Variants in CLASP1 observed in about 807,000 individuals in gnomAD.
CLASP1 encodes cytoplasmic linker associated protein 1.
In CLASP1, 38 loss-of-function variants were observed where a neutral mutation model predicts 192.3. The ratio of observed to expected loss-of-function variants is 0.20; its 90% CI spans 0.15 to 0.26. The LOEUF (loss-of-function observed/expected upper bound fraction) is 0.26, where lower values mean the gene tolerates loss of function less well. Ranked by LOEUF, CLASP1 falls within the 10% of genes least tolerant of loss-of-function variation. The pLI is 1.00. For missense variants in CLASP1, 1,433 were observed against 1,932.5 expected (o/e 0.74, Z 4.85); for synonymous variants, 691 against 712.8 (o/e 0.97, Z 0.49).
At chr2:121,480,962 C>A (rs2092553877) in intron 8 of CLASP1, among the ~76,000 whole-genome samples, 1 of 152,234 alleles carries the variant, frequency 6.6e-6, no homozygotes, top group Non-Finnish European at 1.5e-5. Flanking sequence ...ACGTCTAATG[C>A]CTGGCATGCG....
chr2:121,437,318 T>G (rs1055289658), intron 19 of CLASP1, among the ~76,000 whole-genome samples: 2 of 152,214 alleles, frequency 1.3e-5, no homozygotes, highest in Admixed American at 6.5e-5. Flanking sequence ...CCATTTGCTC[T>G]TCTTCAAAAT....
At chr2:121,585,114 C>T (rs1243673936) in intron 2 of CLASP1, among the ~76,000 whole-genome samples, 4 of 152,194 alleles carry the variant, frequency 2.6e-5, no homozygotes, top group African/African-American at 9.7e-5. Context: ...AGAAACTTAT[C>T]CAGTACCACA....
intron 19 of CLASP1, among the ~76,000 whole-genome samples, chr2:121,446,428 A>T (rs532829877): frequency 6.6e-6 from 1 of 152,332 alleles, no homozygotes; most frequent in African/African-American, 2.4e-5. Flanking sequence ...TGTGCTTCCA[A>T]TGTTCAAAAC....
chr2:121,516,954 G>A (rs1169140195), intron 6 of CLASP1, among the ~76,000 whole-genome samples: 1 of 152,172 alleles, frequency 6.6e-6, no homozygotes, highest in Non-Finnish European at 1.5e-5. Context: ...TCACTTGGAG[G>A]CGGAGTTTGC....
At chr2:121,555,463 T>A (rs2058461007) in intron 2 of CLASP1, among the ~76,000 whole-genome samples, 1 of 152,208 alleles carries the variant, frequency 6.6e-6, no homozygotes, top group East Asian at 1.9e-4. Flanking sequence ...TAGGTTTTTA[T>A]TCATCTATCA....
intron 2 of CLASP1, among the ~76,000 whole-genome samples, chr2:121,599,066 T>C (rs1029234737): frequency 2.6e-5 from 4 of 151,904 alleles, no homozygotes; most frequent in African/African-American, 9.7e-5. Context: ...GGTTTCACCA[T>C]GTTGGCCAGG....
At chr2:121,468,470 C>T (rs1029078105) in intron 9 of CLASP1, among the ~76,000 whole-genome samples, 1 of 152,112 alleles carries the variant, frequency 6.6e-6, no homozygotes, top group African/African-American at 2.4e-5. Flanking sequence ...TTTTGTAGTG[C>T]TCCTTGAGGA....
In CLASP1 at chr2:121,398,890, C is replaced by T. The variant is rs150100525; in HGVS notation, c.2901-490G>A. The stretch of plus-strand genomic sequence containing the variant: ...CCACAGAAGAATGCCTGTGAGATGG[C>T]GACAAAACATTTCCCATCCAGCTAC... On this transcript the variant is annotated intron_variant, in intron 28 of 39. Transcript: ENST00000263710. 2.1e-3 allele frequency among the ~76,000 whole-genome samples: 324 copies of T among 152,300 alleles called. 1 individual carries two copies. Among genetic ancestry groups the T allele is most frequent in the African/African-American group, 7.3e-3 (305 of 41,566 alleles).
intron 2 of CLASP1, among the ~76,000 whole-genome samples, chr2:121,545,256 G>C (rs1559573504): frequency 6.6e-6 from 1 of 152,106 alleles, no homozygotes; most frequent in African/African-American, 2.4e-5. Context: ...CAGAGAATGA[G>C]AGCAAGTTAG....
chr2:121,638,987 G>A (rs764184974), intron 1 of CLASP1, among the ~76,000 whole-genome samples: 5 of 152,122 alleles, frequency 3.3e-5, no homozygotes, highest in East Asian at 1.9e-4. Flanking sequence ...AGTACACTGC[G>A]CAAATGGGGC....
intron 19 of CLASP1, among the ~76,000 whole-genome samples, chr2:121,433,310 AC>A (rs1005170053): frequency 6.7e-6 from 1 of 149,604 alleles, no homozygotes; most frequent in Non-Finnish European, 1.5e-5. Flanking sequence ...AAAGAGCAAA[AC>A]CCTGTCTAAA....
At chr2:121,388,162 A>C in intron 30 of CLASP1, 1 of 317,124 alleles carries the variant, frequency 3.2e-6, no homozygotes, top group East Asian at 6.3e-5. Flanking sequence ...AAATTCCTAG[A>C]ACTTTTCTCT....
intron 2 of CLASP1, among the ~76,000 whole-genome samples, chr2:121,540,428 A>G (rs2095205220): frequency 6.6e-6 from 1 of 152,070 alleles, no homozygotes; most frequent in Non-Finnish European, 1.5e-5. Context: ...GCTTAAGCCC[A>G]GGAGTTCAAG....
chr2:121,393,493 T>C (rs1313317774), intron 30 of CLASP1, among the ~76,000 whole-genome samples: 1 of 152,196 alleles, frequency 6.6e-6, no homozygotes, highest in Non-Finnish European at 1.5e-5. Flanking sequence ...TAATTTTAAA[T>C]CTTATCAATT....
intron 4 of CLASP1, among the ~76,000 whole-genome samples, chr2:121,528,170 G>C (rs1462935671): frequency 6.6e-6 from 1 of 152,210 alleles, no homozygotes; most frequent in African/African-American, 2.4e-5. Flanking sequence ...TTATGGGTGA[G>C]GAAAGCAAGG....
intron 2 of CLASP1, among the ~76,000 whole-genome samples, chr2:121,547,306 G>A (rs1197008158): frequency 2.0e-5 from 3 of 152,070 alleles, no homozygotes; most frequent in African/African-American, 7.2e-5. Context: ...GCTACCCTCG[G>A]ACTAACAAAG....
At chr2:121,506,775 T>C (rs1024686319) in intron 7 of CLASP1, among the ~76,000 whole-genome samples, 4 of 152,150 alleles carry the variant, frequency 2.6e-5, no homozygotes, top group African/African-American at 9.7e-5. Flanking sequence ...GCTGGGAGAC[T>C]TACTGGTTCA....
chr2:121,468,537 A>G (rs1020912744), intron 9 of CLASP1, among the ~76,000 whole-genome samples: 1 of 152,070 alleles, frequency 6.6e-6, no homozygotes, highest in Admixed American at 6.6e-5. Context: ...TTTTGTGGCA[A>G]TTGTGAATGG....
intron 9 of CLASP1, among the ~76,000 whole-genome samples, chr2:121,463,036 G>T (rs1001259443): frequency 7.2e-5 from 11 of 152,164 alleles, no homozygotes; most frequent in African/African-American, 2.2e-4. Flanking sequence ...TAATTTCACA[G>T]TTTTATTTAA....
Sources: allele counts gnomAD v4.1 joint callset (sites outside exome capture counted in the v4.1 genomes callset), GRCh38; gene constraint gnomAD v4.1.1; transcripts MANE v1.5; gene names NCBI Gene and HGNC (gene_info 2026-07-23, HGNC 2026-07-21).